Variants in COMT observed in about 807,000 individuals in gnomAD.
COMT encodes the protein catechol-O-methyltransferase.
Under a neutral mutation model 18.9 loss-of-function variants are expected in COMT, and 13 were observed. The observed-to-expected ratio is 0.69, with a 90% CI of 0.45 to 1.09. The LOEUF (loss-of-function observed/expected upper bound fraction) is 1.09, where lower values mean the gene tolerates loss of function less well. COMT is among the 50% of genes least tolerant of loss of function. The probability of loss-of-function intolerance (pLI) is 0.00; values close to 1 mark genes in which losing one functional copy is unlikely to be tolerated. For synonymous variants in COMT, 150 were observed against 160.9 expected (o/e 0.93, Z 0.51); for missense variants, 329 against 361.8 (o/e 0.91, Z 0.73).
At chr22:19,950,855 C>T (rs1197873083) in intron 1 of COMT, 2 of 152,166 alleles carry the variant, frequency 1.3e-5, no homozygotes, top group African/African-American at 2.4e-5. Flanking sequence ...CAGACAGAGG[C>T]GCACTTGTTC....
At chr22:19,949,047 A>G (rs994320186) in intron 1 of COMT, among the ~76,000 whole-genome samples, 1 of 152,048 alleles carries the variant, frequency 6.6e-6, no homozygotes, top group African/African-American at 2.4e-5. Flanking sequence ...CTTTGACCTC[A>G]TAACATAAAA....
intron 1 of COMT, among the ~76,000 whole-genome samples, chr22:19,960,879 CAG>C (rs1269326683): frequency 6.6e-6 from 1 of 152,242 alleles, no homozygotes; most frequent in Non-Finnish European, 1.5e-5. Context: ...ACAACTTGAG[CAG>C]AGTGGTTCCC....
rs1263108814 is a variant in COMT, at chr22:19,966,867, G to A, written c.616-1669G>A. On this transcript the variant is annotated intron_variant, in intron 5 of 5. Coordinates refer to ENST00000361682, the MANE Select transcript of COMT (RefSeq NM_000754.4). ...ACTCTTGAAGGGAGGAGAGTCTAAG[G>A]AGGGTGGGCCAGATGAAAACCACCT... The A allele has an allele frequency of 5.7e-6, 5 of 881,552 alleles. No individual in the cohort carries two copies. In the African/African-American group the frequency reaches 7.3e-5, roughly 13 times the overall value. 54.6% of individuals were successfully genotyped at this position (881,552 alleles called of 1,614,324 possible).
At chr22:19,959,922 G>C (rs1440985738) in intron 1 of COMT, among the ~76,000 whole-genome samples, 1 of 152,170 alleles carries the variant, frequency 6.6e-6, no homozygotes, top group African/African-American at 2.4e-5. Flanking sequence ...CGGGCAGGTG[G>C]GACAGGCGGG....
chr22:19,952,662 A>C (rs553831782), intron 1 of COMT, among the ~76,000 whole-genome samples: 25 of 148,262 alleles, frequency 1.7e-4, no homozygotes, highest in Admixed American at 3.4e-4. Context: ...ACAACAACAA[A>C]AAAAAAACAG....
chr22:19,948,579 G>C (rs1941877192), intron 1 of COMT, among the ~76,000 whole-genome samples: 2 of 152,274 alleles, frequency 1.3e-5, no homozygotes, highest in South Asian at 4.1e-4. Flanking sequence ...AGGATCACTT[G>C]AGCCCAGGAG....
chr22:19,947,156 C>G (rs1281325636), intron 1 of COMT, among the ~76,000 whole-genome samples: 1 of 151,930 alleles, frequency 6.6e-6, no homozygotes, highest in African/African-American at 2.4e-5. Flanking sequence ...CCCCAGGTGA[C>G]CTGCCCACCT....
rs768636039 is a variant in COMT at position 19,941,804 on chromosome 22, C to T, written c.-185C>T. ...GCAGCGCCACCGCCATTGCCGCCATCGTCGTGGGGCTTCTGGGGCAGCTAG... is the reference window on the plus strand; with the variant it reads ...GCAGCGCCACCGCCATTGCCGCCATTGTCGTGGGGCTTCTGGGGCAGCTAG... On this transcript the variant is annotated 5_prime_UTR_variant, in exon 1 of 6. Coordinates refer to ENST00000361682, the MANE Select transcript of COMT (RefSeq NM_000754.4). The T allele has an allele frequency of 7.2e-6, 11 of 1,527,288 alleles. No individual in the cohort carries two copies. In the South Asian group the frequency reaches 9.6e-5, roughly 13 times the overall value. The allele number at this position is 1,527,288 out of a possible 1,614,324, so 94.6% of individuals were successfully genotyped here. A position where few individuals can be genotyped will look rare whatever the true frequency, so the allele number is the denominator to read the frequency against.
intron 1 of COMT, among the ~76,000 whole-genome samples, chr22:19,958,324 C>G (rs1260050598): frequency 1.3e-5 from 2 of 151,698 alleles, no homozygotes; most frequent in African/African-American, 4.8e-5. Flanking sequence ...ACCACCACGC[C>G]TGGCTAATTT....
intron 5 of COMT, among the ~76,000 whole-genome samples, chr22:19,966,322 T>A (rs1157222675): frequency 6.6e-6 from 1 of 151,084 alleles, no homozygotes; most frequent in African/African-American, 2.4e-5. Context: ...GGTGAGGGGC[T>A]CAGGAGCAGG....
Position 19,963,766 on chromosome 22 carries a change from A to T in COMT, c.483+7A>T, listed in dbSNP as rs1203205622. Reference sequence around the variant, plus strand: ...CGCTGGCGTGAAGGACAAGGTGTGCATGCCTGACCCGTTGTCAGACCTGGA... The same window carrying T: ...CGCTGGCGTGAAGGACAAGGTGTGCTTGCCTGACCCGTTGTCAGACCTGGA... On this transcript the variant is annotated splice_region_variant and intron_variant, in intron 4 of 5. Transcript: ENST00000361682. The T allele has an allele frequency of 5.0e-6, 8 of 1,609,430 alleles. No homozygotes were observed. The Admixed American group carries it at 1.3e-4, about 27-fold the overall frequency.
Position 19,941,863 on chromosome 22 carries a change from G to A in COMT, c.-126G>A, listed in dbSNP as rs1402832507. On this transcript the variant is annotated 5_prime_UTR_variant, in exon 1 of 6. Transcript: ENST00000361682. ...GCCGCGCTGCCTGCGCCGGACCGGGGCGGGTCCAGTCCCGGGCGGGCCGTC... is the reference window on the plus strand; with the variant it reads ...GCCGCGCTGCCTGCGCCGGACCGGGACGGGTCCAGTCCCGGGCGGGCCGTC... The A allele has an allele frequency of 3.5e-6, 5 of 1,446,746 alleles. No individual in the cohort carries two copies. Among genetic ancestry groups the A allele is most frequent in the African/African-American group, 3.0e-5 (2 of 67,162 alleles). The allele number at this position is 1,446,746 out of a possible 1,614,324, so 89.6% of individuals were successfully genotyped here.
At chr22:19,968,453 G>C in intron 5 of COMT, 83 bp from the exon 6 acceptor site, 1 of 1,383,184 alleles carries the variant, frequency 7.2e-7, no homozygotes, top group Non-Finnish European at 1.0e-6. Flanking sequence ...CCGTGGCCTA[G>C]TGAGGAGCAC....
chr22:19,962,634 C>G lies in COMT; in HGVS notation c.108C>G (p.Ile36Met). 5 of 1,603,230 alleles carry G rather than the reference C, an allele frequency of 3.1e-6. No individual in the cohort carries two copies. The highest frequency in any genetic ancestry group is 4.3e-6 in the Non-Finnish European group (5 of 1,176,070). ...ACTGGGGCTGGGGCCTGTGCCTTATCGGCTGGAACGAGTTCATCCTGCAGC... is the reference window on the plus strand; with the variant it reads ...ACTGGGGCTGGGGCCTGTGCCTTATGGGCTGGAACGAGTTCATCCTGCAGC... The part of the protein sequence containing the change: ...LRHWGWGLCL[I>M]GWNEFILQPI... Residue 36 changes from isoleucine (I) to methionine (M), a missense_variant, in exon 3 of 6, where the codon ATC becomes ATG. Physicochemically the swap from Ile to Met is conservative, Grantham distance 10 (BLOSUM62 1). Transcript: ENST00000361682.
At chr22:19,963,320 A>T (rs1402231698) in intron 3 of COMT, 3 of 600,012 alleles carry the variant, frequency 5.0e-6, no homozygotes, top group Admixed American at 5.9e-5. Flanking sequence ...CAGCGTGAGC[A>T]TAGAGGCTAA....
chr22:19,950,241 C>CTTTTCTTTT (rs1941904578), intron 1 of COMT, among the ~76,000 whole-genome samples: 5 of 87,852 alleles, frequency 5.7e-5, no homozygotes, highest in African/African-American at 2.2e-4. Flanking sequence ...CTTTTCTTTT[C>CTTTTCTTTT]TTTTTTTTTT....
intron 1 of COMT, among the ~76,000 whole-genome samples, chr22:19,948,424 G>A (rs1471759608): frequency 6.6e-6 from 1 of 152,214 alleles, no homozygotes; most frequent in African/African-American, 2.4e-5. Context: ...GGAGTCCGAG[G>A]AGGGAGGACT....
chr22:19,967,444 C>T, intron 5 of COMT: 1 of 466,868 alleles, frequency 2.1e-6, no homozygotes, highest in South Asian at 1.6e-5. Flanking sequence ...GTGGTACTTC[C>T]TGCTCAACTC....
intron 3 of COMT, 98 bp downstream of exon 3, chr22:19,962,913 G>A: frequency 6.9e-7 from 1 of 1,446,398 alleles, no homozygotes; most frequent in Non-Finnish European, 9.3e-7. Flanking sequence ...CCATTTCCAG[G>A]GGGCTGGGAA....
Sources: gnomAD v4.1 joint callset for allele counts (sites outside exome capture counted in the v4.1 genomes callset) on GRCh38, gnomAD v4.1.1 for gene constraint, MANE v1.5 for transcripts, NCBI Gene and HGNC (gene_info 2026-07-23, HGNC 2026-07-21) for gene names.